FMN1: variants seen among roughly 807,000 people sequenced by gnomAD.
The protein encoded by FMN1 is formin 1, also known as formin-1.
A neutral mutation model predicts 132.4 loss-of-function variants in FMN1; 110 were observed. That is an observed-to-expected ratio of 0.83 (90% CI 0.71 to 0.97). The LOEUF is 0.97. FMN1 is among the 50% of genes least tolerant of loss of function. The pLI is 0.00. For synonymous variants in FMN1, 722 were observed against 651.7 expected (o/e 1.11, Z -1.64); for missense variants, 1,792 against 1,705.3 (o/e 1.05, Z -0.90).
chr15:33,144,155 C>T (rs188404586), intron 4 of FMN1, among the ~76,000 whole-genome samples: 16 of 152,266 alleles, frequency 1.1e-4, no homozygotes, highest in Admixed American at 9.1e-4. Context: ...ACTGAAATGA[C>T]ATTAGTAGTC....
chr15:33,049,673 G>C lies in FMN1; in HGVS notation c.2161+15284C>G, dbSNP rs181113960. ...TATACATCGTGAACTATAACAAGTG[G>C]AGATGTAAACTGACCTCAGCCAACA... On this transcript the variant is annotated intron_variant, in intron 6 of 20. Transcript: ENST00000616417. Among the ~76,000 whole-genome samples the C allele has an allele frequency of 3.0e-3, 450 of 152,328 alleles. 3 individuals carry two copies. Among genetic ancestry groups the C allele is most frequent in the Middle Eastern group, 6.8e-3 (2 of 294 alleles).
chr15:32,800,535 G>A (rs535732247), intron 18 of FMN1, among the ~76,000 whole-genome samples: 91 of 152,292 alleles, frequency 6.0e-4, no homozygotes, highest in African/African-American at 2.0e-3. Flanking sequence ...TTTGACTATA[G>A]CATGGGAATA....
Position 33,168,320 on chromosome 15 carries a change from T to C in FMN1, c.-132+11878A>G, listed in dbSNP as rs984923142. Among the ~76,000 whole-genome samples, 3 of 152,154 alleles carry C rather than the reference T, an allele frequency of 2.0e-5. No individual in the cohort carries two copies. In the East Asian group the frequency reaches 5.8e-4, roughly 29 times the overall value. ...ATTATTTTGCTTCTCTTCAGAAAAA[T>C]ATGGTTAACAGATTGTGTTTATTAA... On this transcript the variant is annotated intron_variant, in intron 3 of 20. Transcript: ENST00000616417.
intron 4 of FMN1, among the ~76,000 whole-genome samples, chr15:33,121,328 A>G (rs866885865): frequency 3.3e-5 from 5 of 152,204 alleles, no homozygotes; most frequent in Admixed American, 6.5e-5. Context: ...CCCTCAGACC[A>G]CATGGCGGAT....
chr15:32,906,956 G>A (rs1271825481), intron 12 of FMN1, among the ~76,000 whole-genome samples: 5 of 152,132 alleles, frequency 3.3e-5, no homozygotes, highest in African/African-American at 1.2e-4. Flanking sequence ...GTCGTCAACT[G>A]AGTAAACCCA....
At chr15:32,929,388 T>C (rs2061047191) in intron 9 of FMN1, among the ~76,000 whole-genome samples, 1 of 152,238 alleles carries the variant, frequency 6.6e-6, no homozygotes, top group Admixed American at 6.5e-5. Context: ...GTCTTTTTTT[T>C]CTCCCATGGC....
At chr15:32,811,012 G>A (rs926287196) in intron 17 of FMN1, 13 of 456,254 alleles carry the variant, frequency 2.8e-5, no homozygotes, top group African/African-American at 1.4e-4. Flanking sequence ...TGTGGCAATC[G>A]TTTTCCATTT....
In FMN1 at chr15:32,767,472, T is replaced by G. The variant is rs1271947895; in HGVS notation, c.*6838A>C. 2 of 152,134 alleles carry G rather than the reference T, an allele frequency of 1.3e-5. No individual in the cohort carries two copies. The highest frequency in any genetic ancestry group is 1.3e-4 in the Admixed American group (2 of 15,270). The allele number at this position is 152,134 out of a possible 1,614,324, so 9.4% of individuals were successfully genotyped here. ...TTTTCCAGGCCAAAGCACGATCCCC[T>G]AAATCAAAGTCCAAGGCCACCCTGC... On this transcript the variant is annotated 3_prime_UTR_variant, in exon 21 of 21. Coordinates refer to ENST00000616417, the MANE Select transcript of FMN1 (RefSeq NM_001277313.2).
At chr15:32,951,116 A>G (rs1427788525) in intron 9 of FMN1, among the ~76,000 whole-genome samples, 1 of 152,170 alleles carries the variant, frequency 6.6e-6, no homozygotes, top group Non-Finnish European at 1.5e-5. Flanking sequence ...AAATAACTTC[A>G]TATTTTAAGA....
Position 33,094,157 on chromosome 15 carries a change from G to A in FMN1, c.1868-5183C>T, listed in dbSNP as rs558452712. Among the ~76,000 whole-genome samples, 78 of 152,276 alleles carry A rather than the reference G, an allele frequency of 5.1e-4. 1 individual carries two copies. Among genetic ancestry groups the A allele is most frequent in the African/African-American group, 1.7e-3 (71 of 41,560 alleles). On this transcript the variant is annotated intron_variant, in intron 4 of 20. Transcript: ENST00000616417. ...CTTTAACATGTGGGCTAAATTCCTG[G>A]CTGTGACCTTTACTAATTATTTGAC...
chr15:32,810,666 T>C (rs1001728646), intron 17 of FMN1, among the ~76,000 whole-genome samples: 2 of 152,216 alleles, frequency 1.3e-5, no homozygotes, highest in Admixed American at 6.5e-5. Flanking sequence ...ATTCATACAA[T>C]GAGAGTGGCT....
At chr15:32,835,476 C>G (rs1332756371) in intron 17 of FMN1, among the ~76,000 whole-genome samples, 1 of 152,146 alleles carries the variant, frequency 6.6e-6, no homozygotes, top group Non-Finnish European at 1.5e-5. Context: ...TCCCAATTTC[C>G]AAACCAAAGA....
rs1566955571 is a variant in FMN1, at chr15:33,153,675, CG to C, written c.1239del (p.Glu414ArgfsTer4). 1 of 1,536,394 alleles carries C rather than the reference CG, an allele frequency of 6.5e-7. No homozygotes were observed. The highest frequency in any genetic ancestry group is 8.7e-7 in the Non-Finnish European group (1 of 1,146,974). On this transcript the variant is annotated frameshift_variant, in exon 4 of 21. Coordinates refer to ENST00000616417, the MANE Select transcript of FMN1 (RefSeq NM_001277313.2). LOFTEE classifies it high-confidence loss of function. The part of the protein sequence containing the change: ...TASISSVSAS[A>X]EGAVNKVPLK... The stretch of plus-strand genomic sequence containing the variant: ...AGGGGGACCTTGTTCACGGCCCCCT[CG>C]GCACTGGCCGACACACTAGAAATGG...
intron 4 of FMN1, among the ~76,000 whole-genome samples, chr15:33,096,180 C>T (rs1464854356): frequency 6.6e-6 from 1 of 152,164 alleles, no homozygotes; most frequent in Non-Finnish European, 1.5e-5. Flanking sequence ...TGATGGCTGA[C>T]AGAAGTTTTT....
chr15:32,832,059 T>C (rs2058516032), intron 17 of FMN1, among the ~76,000 whole-genome samples: 1 of 152,212 alleles, frequency 6.6e-6, no homozygotes, highest in South Asian at 2.1e-4. Flanking sequence ...CTGTGATCAC[T>C]TATGATTTGA....
intron 9 of FMN1, among the ~76,000 whole-genome samples, chr15:32,958,593 C>T (rs1453609061): frequency 6.6e-6 from 1 of 151,948 alleles, no homozygotes; most frequent in Non-Finnish European, 1.5e-5. Flanking sequence ...TACATACATG[C>T]TTAAACAAGT....
At chr15:32,984,022 T>C (rs1190616313) in intron 7 of FMN1, among the ~76,000 whole-genome samples, 2 of 152,064 alleles carry the variant, frequency 1.3e-5, no homozygotes, top group East Asian at 3.9e-4. Context: ...AACACCGTGA[T>C]GTCTCATTTC....
In FMN1 at chr15:32,888,146, C is replaced by A. The variant is rs377724656; in HGVS notation, c.3835+26G>T. ...TTTTAAAAGTAATCTTAGCTATTAT[C>A]ATAATAGCAGAACAGTTCCTATTAC... On this transcript the variant is annotated intron_variant, in intron 16 of 20. Transcript: ENST00000616417. 76 of 1,562,936 alleles carry A rather than the reference C, an allele frequency of 4.9e-5. No individual in the cohort carries two copies. In the African/African-American group the frequency reaches 9.4e-4, roughly 19 times the overall value.
intron 4 of FMN1, among the ~76,000 whole-genome samples, chr15:33,127,547 A>G (rs1283141306): frequency 6.6e-6 from 1 of 152,262 alleles, no homozygotes; most frequent in African/African-American, 2.4e-5. Context: ...AAGTTTTTAA[A>G]CAGTGAACCT....
Sources: gnomAD v4.1 joint callset for allele counts (sites outside exome capture counted in the v4.1 genomes callset) on GRCh38, gnomAD v4.1.1 for gene constraint, MANE v1.5 for transcripts, NCBI Gene and HGNC (gene_info 2026-07-23, HGNC 2026-07-21) for gene names.